The following XPO6 variants were observed in gnomAD, a reference collection of about 807,000 sequenced individuals.
XPO6 encodes the protein exportin-6.
Under a neutral mutation model 130.0 loss-of-function variants are expected in XPO6, and 3 were observed. The observed-to-expected ratio is 0.02, with a 90% CI of 0.01 to 0.06. The LOEUF is 0.06. XPO6 is among the 10% of genes least tolerant of loss of function. The pLI is 1.00. For missense variants in XPO6, 970 were observed against 1,393.0 expected (o/e 0.70, Z 4.83); for synonymous variants, 524 against 548.9 (o/e 0.95, Z 0.63).
chr16:28,153,564 G>C, intron 7 of XPO6: 8 of 985,310 alleles, frequency 8.1e-6, no homozygotes, highest in Non-Finnish European at 9.6e-6. Flanking sequence ...GAAGAGTATG[G>C]GTCACAGCTG....
At chr16:28,154,283 A>T (rs955562674) in intron 7 of XPO6, 1 of 957,150 alleles carries the variant, frequency 1.0e-6, no homozygotes, top group Non-Finnish European at 1.2e-6. Context: ...AAAAAAAGCC[A>T]TGGGCTAAAT....
At chr16:28,122,070 A>G (rs561579979) in intron 13 of XPO6, among the ~76,000 whole-genome samples, 7 of 152,230 alleles carry the variant, frequency 4.6e-5, no homozygotes, top group African/African-American at 1.4e-4. Context: ...GGCATATTTA[A>G]TGATAAATAT....
At position 28,104,547 on chromosome 16, in the gene XPO6, T is replaced by C; in HGVS notation, c.2945A>G (p.Gln982Arg). 2 of 1,614,114 alleles carry C rather than the reference T, an allele frequency of 1.2e-6. No homozygotes were observed. The highest frequency in any genetic ancestry group is 1.7e-6 in the Non-Finnish European group (2 of 1,179,986). Residue 982 changes from glutamine (Q) to arginine (R), a missense_variant and splice_region_variant, in exon 21 of 24, where the codon CAG (glutamine) becomes CGG (arginine). Gln to Arg is a conservative substitution (Grantham distance 43, BLOSUM62 1). Coordinates refer to ENST00000304658, the MANE Select transcript of XPO6 (RefSeq NM_015171.4). Reference sequence around the variant, plus strand: ...GCAGCAACCCCGCCCCCACGTTACCTGCATGATGGCACTGAACTGGGGCTC... The same window carrying C: ...GCAGCAACCCCGCCCCCACGTTACCCGCATGATGGCACTGAACTGGGGCTC... ...ENEPQFSAIM[Q>R]AFGQSFLQPD...
intron 13 of XPO6, among the ~76,000 whole-genome samples, chr16:28,123,827 G>A (rs940746550): frequency 6.6e-6 from 1 of 152,122 alleles, no homozygotes; most frequent in African/African-American, 2.4e-5. Flanking sequence ...TTTGTTTTAT[G>A]TAACCAATAA....
chr16:28,173,604 A>T (rs552649214), intron 4 of XPO6, among the ~76,000 whole-genome samples: 1 of 152,296 alleles, frequency 6.6e-6, no homozygotes, highest in Admixed American at 6.5e-5. Flanking sequence ...GAAAAGAAAA[A>T]GAAGACTTTA....
intron 12 of XPO6, among the ~76,000 whole-genome samples, chr16:28,131,217 T>C (rs2042662455): frequency 6.6e-6 from 1 of 152,340 alleles, no homozygotes; most frequent in Middle Eastern, 3.4e-3. Context: ...CCAAGGCCCA[T>C]CAGCCTCCTG....
chr16:28,133,316 G>A (rs1003179918), intron 11 of XPO6, among the ~76,000 whole-genome samples: 2 of 151,108 alleles, frequency 1.3e-5, no homozygotes, highest in Non-Finnish European at 3.0e-5. Context: ...TCCGGCCTGG[G>A]AGACAGCGTG....
intron 12 of XPO6, among the ~76,000 whole-genome samples, chr16:28,131,520 T>C (rs1012931787): frequency 6.6e-6 from 1 of 152,234 alleles, no homozygotes; most frequent in Non-Finnish European, 1.5e-5. Flanking sequence ...CATGTGGCTT[T>C]CAGTTACTGG....
At chr16:28,195,496 T>C (rs867129561) in intron 1 of XPO6, among the ~76,000 whole-genome samples, 1 of 152,184 alleles carries the variant, frequency 6.6e-6, no homozygotes, top group Non-Finnish European at 1.5e-5. Flanking sequence ...CTCACACCTG[T>C]AATCCCAGCA....
intron 8 of XPO6, among the ~76,000 whole-genome samples, chr16:28,148,809 A>G (rs554150797): frequency 6.6e-6 from 1 of 152,124 alleles, no homozygotes; most frequent in Non-Finnish European, 1.5e-5. Flanking sequence ...TGGGAGGCTG[A>G]GTCAAGTGGA....
chr16:28,129,023 G>T (rs968414302), intron 12 of XPO6, among the ~76,000 whole-genome samples: 3 of 152,194 alleles, frequency 2.0e-5, no homozygotes, highest in African/African-American at 2.4e-5. Context: ...ACCCAGGATG[G>T]AAAACAGCTT....
chr16:28,143,970 C>A (rs1321130151), intron 9 of XPO6, among the ~76,000 whole-genome samples: 1 of 152,192 alleles, frequency 6.6e-6, no homozygotes, highest in East Asian at 1.9e-4. Context: ...TCATATTAAT[C>A]ATTTCCTCAG....
At chr16:28,192,693 A>G (rs1322797054) in intron 1 of XPO6, among the ~76,000 whole-genome samples, 1 of 152,132 alleles carries the variant, frequency 6.6e-6, no homozygotes, top group Non-Finnish European at 1.5e-5. Context: ...AATCACTCCT[A>G]TGGAAAGGAA....
chr16:28,153,923 T>C (rs1259394158), intron 7 of XPO6: 5 of 985,282 alleles, frequency 5.1e-6, no homozygotes, highest in Non-Finnish European at 6.0e-6. Flanking sequence ...TCCCTGAGGG[T>C]GGCCAGCCTG....
rs948901528 is a variant in XPO6, at chr16:28,101,411, C to G, written c.3276+47G>C. ...CCTTGCTGCACAGGTGCCAGGCTTG[C>G]GTGCCCACTCTGCCCTCCTCTTAGC... On this transcript the variant is annotated intron_variant, in intron 23 of 23. Coordinates refer to ENST00000304658, the MANE Select transcript of XPO6 (RefSeq NM_015171.4). This position sits in a 1 kb window ranked among gnomAD's most constrained non-coding sequence, Gnocchi z 5.4. The G allele has an allele frequency of 1.4e-5, 21 of 1,540,716 alleles. No homozygotes were observed. The highest frequency in any genetic ancestry group is 1.8e-5 in the Non-Finnish European group (20 of 1,114,564).
chr16:28,196,537 C>T (rs1222942297), intron 1 of XPO6, among the ~76,000 whole-genome samples: 3 of 152,144 alleles, frequency 2.0e-5, no homozygotes, highest in African/African-American at 7.2e-5. Context: ...GAACTGCATA[C>T]TTTAAAATGG....
intron 3 of XPO6, 127 bp from the exon 4 acceptor site, chr16:28,176,222 T>G: frequency 1.3e-6 from 1 of 791,728 alleles, no homozygotes; most frequent in Non-Finnish European, 2.0e-6. Context: ...TTTGGGGCAA[T>G]ATGGCAATAA....
At chr16:28,146,016 A>G (rs8063003) in intron 9 of XPO6, 78 bp downstream of exon 9, 48,137 of 1,109,048 alleles carry the variant, frequency 0.043, 4,543 homozygotes, top group African/African-American at 0.21. Context: ...AAAAGGTCCA[A>G]ATGCATGGCT....
chr16:28,116,523 C>T (rs1567599650), intron 15 of XPO6, among the ~76,000 whole-genome samples: 1 of 150,702 alleles, frequency 6.6e-6, no homozygotes, highest in African/African-American at 2.4e-5. Flanking sequence ...TGGCTTTTGA[C>T]ACGCCTTCCT....
Sources: allele counts gnomAD v4.1 joint callset (sites outside exome capture counted in the v4.1 genomes callset), GRCh38; gene constraint gnomAD v4.1.1; non-coding constraint Gnocchi (gnomAD v3.1); transcripts MANE v1.5; gene names NCBI Gene and HGNC (gene_info 2026-07-23, HGNC 2026-07-21).